The following TTN variants were observed in gnomAD, a reference collection of about 807,000 sequenced individuals.
TTN encodes connectin.
In TTN, 1,525 loss-of-function variants were observed where a neutral mutation model predicts 3,223.0. The ratio of observed to expected loss-of-function variants is 0.47; its 90% CI spans 0.45 to 0.49. The LOEUF (loss-of-function observed/expected upper bound fraction) is 0.49. Among genes scored for constraint, TTN ranks in the 20% least tolerant of loss-of-function variants. TTN has a pLI of 0.00. For synonymous variants in TTN, 14,094 were observed against 15,161.0 expected, an observed-to-expected ratio of 0.93 and a Z score of 5.17; for missense variants, 40,786 against 43,424.0, an observed-to-expected ratio of 0.94 and a Z score of 5.40.
Position 178,550,249 on chromosome 2 carries a change from G to C in TTN, c.91589C>G (p.Pro30530Arg), listed in dbSNP as rs200875379. The C allele has an allele frequency of 6.2e-7, 1 of 1,611,872 alleles. No individual in the cohort carries two copies. Among genetic ancestry groups the C allele is most frequent in the Admixed American group, 1.7e-5 (1 of 59,898 alleles). Residue 30530 changes from proline (P) to arginine (R), a missense_variant, in exon 337 of 363, where the codon CCT becomes CGT. Pro to Arg is a moderately radical substitution (Grantham distance 103). Coordinates refer to ENST00000589042, the MANE Select transcript of TTN (RefSeq NM_001267550.2). ...ENVPPIVEFG[P>R]EYFDGLIIKS... ...AATAATGAGACCATCAAAGTATTCAGGGCCAAACTCTACTATTGGTGGAAC... is the reference window on the plus strand; with the variant it reads ...AATAATGAGACCATCAAAGTATTCACGGCCAAACTCTACTATTGGTGGAAC...
chr2:178,756,891 AAGATGAAAGAC>A, intron 45 of TTN, 94 bp from the exon 46 acceptor site: 1 of 1,126,930 alleles, frequency 8.9e-7, no homozygotes, highest in South Asian at 1.5e-5. Context: ...ATGGAAGATG[AAGATGAAAGAC>A]GTAGTTGTCA....
chr2:178,790,841 C>A lies in TTN; in HGVS notation c.1667G>T (p.Arg556Ile). 6.2e-7 allele frequency: 1 copy of A among 1,614,030 alleles called. No individual in the cohort carries two copies. Among genetic ancestry groups the A allele is most frequent in the Non-Finnish European group, 8.5e-7 (1 of 1,179,974 alleles). ...TGCAGCAGTTATCTCAGTTTCCTGT[C>A]TTATCTGATGTTTAGAGTAAAATAA... Reference protein sequence around the residue: ...KQKQVTQEAIRQETEITAASM... With the variant: ...KQKQVTQEAIIQETEITAASM... The change falls in exon 11 of 363, where the codon AGA (arginine) becomes ATA (isoleucine). Residue 556 changes from arginine to isoleucine, a missense_variant. Transcript: ENST00000589042.
Position 178,692,542 on chromosome 2 carries a change from C to T in TTN, c.31633G>A (p.Ala10545Thr), listed in dbSNP as rs2072721926. 2 of 1,578,406 alleles carry T rather than the reference C, an allele frequency of 1.3e-6. No individual in the cohort carries two copies. The highest frequency in any genetic ancestry group is 2.3e-5 in the East Asian group (1 of 44,302). ...LPEKPAPEEVAPVPIPKKVEP... is the reference protein window; with the variant it reads ...LPEKPAPEEVTPVPIPKKVEP... ...ACTTTTTTAGGGATAGGAACAGGGG[C>T]CACTTCTTCTGGAGCTGGTTTCTCA... The change falls in exon 120 of 363, where the codon GCC becomes ACC. Residue 10545 changes from alanine (A) to threonine (T), a missense_variant. Physicochemically the swap from Ala to Thr is moderately conservative, Grantham distance 58. Coordinates refer to ENST00000589042, the MANE Select transcript of TTN (RefSeq NM_001267550.2).
At chr2:178,720,327 G>C (rs1198339744) in intron 80 of TTN, 58 bp downstream of exon 80, 1 of 1,591,488 alleles carries the variant, frequency 6.3e-7, no homozygotes, top group Non-Finnish European at 8.6e-7. Context: ...CAAGTTATTA[G>C]TTAGGCAAGA....
At chr2:178,749,261 T>C in intron 47 of TTN, 2 of 1,611,676 alleles carry the variant, frequency 1.2e-6, no homozygotes, top group Non-Finnish European at 1.7e-6. Flanking sequence ...AACAAATGGA[T>C]AAACAGTACC....
Position 178,534,175 on chromosome 2 carries a change from C to A in TTN, c.102440G>T (p.Gly34147Val). The A allele has an allele frequency of 6.2e-7, 1 of 1,613,982 alleles. No individual in the cohort carries two copies. Among genetic ancestry groups the A allele is most frequent in the Non-Finnish European group, 8.5e-7 (1 of 1,179,870 alleles). ...PVSGQIMHAV[G>V]EEGGHVKYVC... Reference sequence around the variant, plus strand: ...ATATTTGACATGTCCTCCTTCTTCACCAACTGCATGCATTATCTGCCCAGA... The same window carrying A: ...ATATTTGACATGTCCTCCTTCTTCAACAACTGCATGCATTATCTGCCCAGA... The change falls in exon 358 of 363, where the codon GGT becomes GTT. Residue 34147 changes from glycine to valine, a missense_variant. Transcript: ENST00000589042.
In TTN at chr2:178,532,723, A is replaced by C. The variant is rs776709904; in HGVS notation, c.103892T>G (p.Ile34631Arg). The C allele has an allele frequency of 9.9e-6, 16 of 1,613,838 alleles. No individual in the cohort carries two copies. Among genetic ancestry groups the C allele is most frequent in the Middle Eastern group, 3.3e-4 (2 of 6,084 alleles). Reference sequence around the variant, plus strand: ...TGTACGCCGGCGGGCTGGTCTCACTATCTCAAGATCATCTTGGGACAGTTT... The same window carrying C: ...TGTACGCCGGCGGGCTGGTCTCACTCTCTCAAGATCATCTTGGGACAGTTT... ...IPKLSQDDLEIVRPARRRTPS... is the reference protein window; with the variant it reads ...IPKLSQDDLERVRPARRRTPS... Residue 34631 changes from isoleucine to arginine, a missense_variant, in exon 358 of 363, where the codon ATA (isoleucine) becomes AGA (arginine). Ile to Arg is a moderately conservative substitution (Grantham distance 97). Coordinates refer to ENST00000589042, the MANE Select transcript of TTN (RefSeq NM_001267550.2).
chr2:178,558,467 T>C lies in TTN; in HGVS notation c.86992A>G (p.Thr28998Ala). The change falls in exon 327 of 363, where the codon ACC becomes GCC. Residue 28998 changes from threonine (T) to alanine (A), a missense_variant. By Grantham distance (58) the Thr-to-Ala change is moderately conservative. Transcript: ENST00000589042. ...NWVKCAVAKS[T>A]HHVVSGLREN... is the part of the protein sequence containing the mutation. ...CTCAGACCGGAAACAACGTGATGGG[T>C]TGACTTTGCCACTGCACATTTAACC... The C allele has an allele frequency of 6.2e-7, 1 of 1,613,804 alleles. No homozygotes were observed. The highest frequency in any genetic ancestry group is 8.5e-7 in the Non-Finnish European group (1 of 1,179,820).
chr2:178,621,707 G>T lies in TTN; in HGVS notation c.45117C>A (p.Asn15039Lys), dbSNP rs758487494. ...TAGTGTCTGTTTCACTAACTTCAAT[G>T]TTGGCAAGATTTTTGGTAAAGACAG... ...EEAVFTKNLA[N>K]IEVSETDTIK... Residue 15039 changes from asparagine to lysine, a missense_variant, in exon 245 of 363, where the codon AAC becomes AAA. Physicochemically the swap from Asn to Lys is moderately conservative, Grantham distance 94 (BLOSUM62 0). Coordinates refer to ENST00000589042, the MANE Select transcript of TTN (RefSeq NM_001267550.2). 6.2e-7 allele frequency: 1 copy of T among 1,611,740 alleles called. No individual in the cohort carries two copies. Among genetic ancestry groups the T allele is most frequent in the South Asian group, 1.1e-5 (1 of 90,944 alleles).
Position 178,721,971 on chromosome 2 carries a change from T to C in TTN, c.22692A>G (p.Thr7564=). The change falls in exon 78 of 363, where the codon ACA becomes ACG. Residue 7564 remains threonine, a synonymous_variant. Coordinates refer to ENST00000589042, the MANE Select transcript of TTN (RefSeq NM_001267550.2). ...EIRPGGNYTI[T]CVGNTPHLRI... ...TCAAATGAGGAGTGTTTCCCACACATGTGATTGTATAGTTTCCTCCAGGAC... is the reference window on the plus strand; with the variant it reads ...TCAAATGAGGAGTGTTTCCCACACACGTGATTGTATAGTTTCCTCCAGGAC... The C allele has an allele frequency of 6.2e-7, 1 of 1,613,600 alleles. No homozygotes were observed. Among genetic ancestry groups the C allele is most frequent in the East Asian group, 2.2e-5 (1 of 44,856 alleles).
chr2:178,694,536 C>T, intron 117 of TTN, 63 bp downstream of exon 117: 2 of 1,225,896 alleles, frequency 1.6e-6, no homozygotes, highest in Non-Finnish European at 2.3e-6. Context: ...AATATATGTA[C>T]ACATGTCCAT....
At position 178,794,505 on chromosome 2, in the gene TTN, G is replaced by T; in HGVS notation, c.1292C>A (p.Ala431Asp). 4 of 1,614,202 alleles carry T rather than the reference G, an allele frequency of 2.5e-6. No individual in the cohort carries two copies. The highest frequency in any genetic ancestry group is 3.4e-6 in the Non-Finnish European group (4 of 1,180,022). The change falls in exon 8 of 363, where the codon GCT (alanine) becomes GAT (aspartate). Residue 431 changes from alanine (A) to aspartate (D), a missense_variant. By Grantham distance (126) the Ala-to-Asp change is moderately radical (BLOSUM62 -2). Coordinates refer to ENST00000589042, the MANE Select transcript of TTN (RefSeq NM_001267550.2). ...TCTCACTCTGGCCATATCAACGGCA[G>T]CAACAACAGTCGCAACAGCTGCACT... is the stretch of plus-strand genomic sequence containing the variant. Reference protein sequence around the residue: ...DKSAAVATVVAAVDMARVREP... With the variant: ...DKSAAVATVVDAVDMARVREP...
chr2:178,722,454 A>T lies in TTN; in HGVS notation c.22333T>A (p.Ser7445Thr). The change falls in exon 77 of 363, where the codon TCT (serine) becomes ACT (threonine). Residue 7445 changes from serine to threonine, a missense_variant. By Grantham distance (58) the Ser-to-Thr change is moderately conservative. Coordinates refer to ENST00000589042, the MANE Select transcript of TTN (RefSeq NM_001267550.2). ...TACCAGCACACTTGGATGGGTGCAG[A>T]GCCATTTAATCGACAAGTGAGTGTA... ...PVTLTCRLNG[S>T]APIQVCWYRD... 1 of 1,613,484 alleles carries T rather than the reference A, an allele frequency of 6.2e-7. No individual in the cohort carries two copies. The highest frequency in any genetic ancestry group is 1.1e-5 in the South Asian group (1 of 91,058).
rs886039181 is a variant in TTN, at chr2:178,564,048, T to C, written c.82084A>G (p.Ile27362Val). 21 of 1,613,642 alleles carry C rather than the reference T, an allele frequency of 1.3e-5. No individual in the cohort carries two copies. The highest frequency in any genetic ancestry group is 4.0e-5 in the African/African-American group (3 of 74,906). The part of the protein sequence containing the change: ...SNVGGTKSIP[I>V]TVKVLDRPGP... Reference sequence around the variant, plus strand: ...GGCCTGTCAAGTACCTTTACAGTGATGGGTATAGACTTTGTACCACCAACA... The same window carrying C: ...GGCCTGTCAAGTACCTTTACAGTGACGGGTATAGACTTTGTACCACCAACA... The change falls in exon 326 of 363, where the codon ATC becomes GTC. Residue 27362 changes from isoleucine (I) to valine (V), a missense_variant. Coordinates refer to ENST00000589042, the MANE Select transcript of TTN (RefSeq NM_001267550.2).
Position 178,692,112 on chromosome 2 carries a change from A to C in TTN, c.31679-13T>G, listed in dbSNP as rs1175226964. 6.2e-7 allele frequency: 1 copy of C among 1,608,496 alleles called. No homozygotes were observed. The highest frequency in any genetic ancestry group is 1.3e-5 in the African/African-American group (1 of 74,880). The stretch of plus-strand genomic sequence containing the variant: ...GGAACCTCAGGAACTTTAAAGATAC[A>C]ATTGTTGAAATAATGTGGAATATTC... On this transcript the variant is annotated splice_polypyrimidine_tract_variant and intron_variant, in intron 120 of 362. Transcript: ENST00000589042.
rs141082389 is a variant in TTN at position 178,535,037 on chromosome 2, C to T, written c.101578G>A (p.Val33860Ile). 8.1e-6 allele frequency: 13 copies of T among 1,613,856 alleles called. No homozygotes were observed. The African/African-American group carries it at 1.2e-4, about 15-fold the overall frequency. The change falls in exon 358 of 363, where the codon GTA becomes ATA. Residue 33860 changes from valine (V) to isoleucine (I), a missense_variant. Physicochemically the swap from Val to Ile is conservative, Grantham distance 29. Transcript: ENST00000589042. ...VKVKGTDQVL[V>I]KKEISILNIA... Reference sequence around the variant, plus strand: ...TTCAGAATGGAAATTTCCTTCTTTACCAAAACCTGATCAGTCCCTTTGACT... The same window carrying T: ...TTCAGAATGGAAATTTCCTTCTTTATCAAAACCTGATCAGTCCCTTTGACT...
chr2:178,655,528 GAA>G (rs1202709812), intron 189 of TTN: 1 of 55,176 alleles, frequency 1.8e-5, no homozygotes, highest in East Asian at 4.9e-4. Flanking sequence ...TGTATATCTA[GAA>G]AACCCCATCG....
In TTN at chr2:178,594,216, T is replaced by C; in HGVS notation, c.58177A>G (p.Arg19393Gly). ...CCAACTCGAATCGTGAGCTTATCTC[T>C]GAAGTCGAGGTGAAGCGTTGGGGGT... ...LAPPTLHLDF[R>G]DKLTIRVGEA... Residue 19393 changes from arginine (R) to glycine (G), a missense_variant, in exon 297 of 363, where the codon AGA becomes GGA. Physicochemically the swap from Arg to Gly is moderately radical, Grantham distance 125. Coordinates refer to ENST00000589042, the MANE Select transcript of TTN (RefSeq NM_001267550.2). 2.5e-6 allele frequency: 4 copies of C among 1,613,278 alleles called. No individual in the cohort carries two copies. The highest frequency in any genetic ancestry group is 3.4e-6 in the Non-Finnish European group (4 of 1,179,598).
In TTN at chr2:178,729,349, G is replaced by A. The variant is rs189167196; in HGVS notation, c.18807C>T (p.Tyr6269=). Residue 6269 remains tyrosine, a synonymous_variant, in exon 64 of 363, where the codon TAC becomes TAT. Transcript: ENST00000589042. ...CGCCTTCATTGGATACAATGCACTG[G>A]TATTCCCCAGTGTCTGAAGGGTCAC... The part of the protein sequence containing the change: ...TKCDPSDTGE[Y]QCIVSNEGGS... 1 of 1,613,566 alleles carries A rather than the reference G, an allele frequency of 6.2e-7. No individual in the cohort carries two copies. Among genetic ancestry groups the A allele is most frequent in the African/African-American group, 1.3e-5 (1 of 75,016 alleles).
Sources: allele counts gnomAD v4.1 joint callset, GRCh38; gene constraint gnomAD v4.1.1; transcripts MANE v1.5; gene names NCBI Gene and HGNC (gene_info 2026-07-23, HGNC 2026-07-21).